The following KCNH8 variants were observed in gnomAD, a reference collection of about 807,000 sequenced individuals.
KCNH8 encodes the protein potassium voltage-gated channel subfamily H member 8.
A neutral mutation model predicts 103.6 loss-of-function variants in KCNH8; 70 were observed. The observed-to-expected ratio is 0.68, with a 90% confidence interval of 0.56 to 0.82. The LOEUF (loss-of-function observed/expected upper bound fraction) is 0.82, where lower values mean the gene tolerates loss of function less well. KCNH8 is among the 40% of genes least tolerant of loss of function. The pLI is 0.00. For missense variants in KCNH8, 1,217 were observed against 1,329.9 expected, an observed-to-expected ratio of 0.92 and a Z score of 1.32; for synonymous variants, 498 against 489.4, an observed-to-expected ratio of 1.02 and a Z score of -0.23.
chr3:19,304,666 AAAG>A (rs2065107093), intron 3 of KCNH8, among the ~76,000 whole-genome samples: 1 of 152,086 alleles, frequency 6.6e-6, no homozygotes, highest in African/African-American at 2.4e-5. Flanking sequence ...TGAAAAATAA[AAAG>A]AAGTAATTAG....
intron 1 of KCNH8, among the ~76,000 whole-genome samples, chr3:19,229,060 A>G (rs576441865): frequency 2.4e-4 from 37 of 152,296 alleles, no homozygotes; most frequent in African/African-American, 7.9e-4. Context: ...TGGACAATGG[A>G]TTCTGTTTCT....
chr3:19,389,202 T>C (rs1347618911), intron 5 of KCNH8, among the ~76,000 whole-genome samples: 1 of 152,174 alleles, frequency 6.6e-6, no homozygotes, highest in African/African-American at 2.4e-5. Flanking sequence ...AGTTGCTATA[T>C]GTCAAAAGTC....
chr3:19,473,954 T>A (rs552861692), intron 11 of KCNH8, among the ~76,000 whole-genome samples: 1 of 152,324 alleles, frequency 6.6e-6, no homozygotes, highest in African/African-American at 2.4e-5. Context: ...AATTATGCTT[T>A]TTGTCCAGGA....
At chr3:19,533,268 TTAAGAA>T (rs1397511208) in intron 15 of KCNH8, 121 bp from the exon 16 acceptor site, 1 of 650,296 alleles carries the variant, frequency 1.5e-6, no homozygotes, top group Admixed American at 3.0e-5. Flanking sequence ...GCTAAAATGT[TTAAGAA>T]TAAATAAGTA....
intron 1 of KCNH8, among the ~76,000 whole-genome samples, chr3:19,178,634 A>G (rs1466906126): frequency 6.6e-6 from 1 of 152,178 alleles, no homozygotes; most frequent in African/African-American, 2.4e-5. Flanking sequence ...TCTGTTGGCT[A>G]GAAAGGGAGT....
At chr3:19,507,311 C>A (rs2068711739) in intron 11 of KCNH8, among the ~76,000 whole-genome samples, 1 of 152,104 alleles carries the variant, frequency 6.6e-6, no homozygotes, top group African/African-American at 2.4e-5. Flanking sequence ...CTCTGGGAGC[C>A]CCCACCAGGG....
At chr3:19,470,338 ATCTC>A (rs1303218467) in intron 11 of KCNH8, among the ~76,000 whole-genome samples, 1 of 152,130 alleles carries the variant, frequency 6.6e-6, no homozygotes, top group Non-Finnish European at 1.5e-5. Context: ...TCTAAACATT[ATCTC>A]TCTGTTTCTT....
In KCNH8 at chr3:19,292,998, A is replaced by G. The variant is rs1456236809; in HGVS notation, c.442+11669A>G. On this transcript the variant is annotated intron_variant, in intron 3 of 15. Coordinates refer to ENST00000328405, the MANE Select transcript of KCNH8 (RefSeq NM_144633.3). ...GTTTGGGTTTTTTCCCTAAGCTTTT[A>G]TATCTCTAAAATAGAAATAGCCAAA... Among the ~76,000 whole-genome samples the G allele has an allele frequency of 2.6e-5, 4 of 152,186 alleles. No homozygotes were observed. In the East Asian group the frequency reaches 5.8e-4, roughly 22 times the overall value.
chr3:19,296,751 G>A lies in KCNH8; in HGVS notation c.442+15422G>A, dbSNP rs930533155. On this transcript the variant is annotated intron_variant, in intron 3 of 15. Transcript: ENST00000328405. ...CTACAAATTGGGTTCAGTGTATACCGCTCAGGTGATGGGTGCACCAAAATC... is the reference window on the plus strand; with the variant it reads ...CTACAAATTGGGTTCAGTGTATACCACTCAGGTGATGGGTGCACCAAAATC... Among the ~76,000 whole-genome samples the A allele has an allele frequency of 3.3e-5, 5 of 152,008 alleles. No individual in the cohort carries two copies. The South Asian group carries it at 6.2e-4, about 19-fold the overall frequency.
intron 15 of KCNH8, among the ~76,000 whole-genome samples, chr3:19,519,027 T>G (rs1462798721): frequency 6.6e-6 from 1 of 152,000 alleles, no homozygotes; most frequent in Non-Finnish European, 1.5e-5. Context: ...ACAGTTAAAC[T>G]TGTAAACAAC....
intron 1 of KCNH8, among the ~76,000 whole-genome samples, chr3:19,170,121 G>A (rs2063326691): frequency 6.6e-6 from 1 of 151,884 alleles, no homozygotes; most frequent in African/African-American, 2.4e-5. Flanking sequence ...TCAAATTTTT[G>A]TGACACATTT....
intron 9 of KCNH8, 119 bp from the exon 10 acceptor site, chr3:19,451,036 G>A: frequency 1.1e-6 from 1 of 909,266 alleles, no homozygotes; most frequent in Non-Finnish European, 1.7e-6. Flanking sequence ...TTCCTCTTCT[G>A]TATGCTGGAT....
At chr3:19,480,622 GAATAC>G (rs1299666694) in intron 11 of KCNH8, among the ~76,000 whole-genome samples, 1 of 152,156 alleles carries the variant, frequency 6.6e-6, no homozygotes, top group Non-Finnish European at 1.5e-5. Context: ...CAACATTAGA[GAATAC>G]AATAGCACTT....
Position 19,412,819 on chromosome 3 carries a change from G to A in KCNH8, c.1177+17508G>A, listed in dbSNP as rs772797126. On this transcript the variant is annotated intron_variant, in intron 7 of 15. Transcript: ENST00000328405. Reference sequence around the variant, plus strand: ...CATAAGAGAAATGCAAGTTAAAACCGTGAGATGTCATCTCACACCAGTCAG... The same window carrying A: ...CATAAGAGAAATGCAAGTTAAAACCATGAGATGTCATCTCACACCAGTCAG... Among the ~76,000 whole-genome samples the A allele has an allele frequency of 3.3e-5, 5 of 151,632 alleles. No homozygotes were observed. In the South Asian group the frequency reaches 8.3e-4, roughly 25 times the overall value.
At chr3:19,254,742 A>G (rs371533176) in intron 2 of KCNH8, among the ~76,000 whole-genome samples, 14 of 152,250 alleles carry the variant, frequency 9.2e-5, no homozygotes, top group African/African-American at 3.4e-4. Context: ...TTTCCCTTGT[A>G]GTAACATAAT....
intron 7 of KCNH8, among the ~76,000 whole-genome samples, chr3:19,427,003 A>C (rs530162696): frequency 1.3e-5 from 2 of 152,156 alleles, no homozygotes. Flanking sequence ...ATATAATATC[A>C]TAAGTGTCAC....
At chr3:19,523,057 C>T (rs1425324969) in intron 15 of KCNH8, among the ~76,000 whole-genome samples, 4 of 151,722 alleles carry the variant, frequency 2.6e-5, no homozygotes, top group African/African-American at 7.3e-5. Context: ...GGGTTGTTTC[C>T]TATAACACAT....
chr3:19,323,199 C>T (rs558984230), intron 3 of KCNH8, among the ~76,000 whole-genome samples: 46 of 152,166 alleles, frequency 3.0e-4, no homozygotes, highest in Non-Finnish European at 4.9e-4. Flanking sequence ...CCTGTAATCC[C>T]GGCACTTTGG....
At chr3:19,377,629 T>C (rs17005887) in intron 5 of KCNH8, among the ~76,000 whole-genome samples, 1 of 152,024 alleles carries the variant, frequency 6.6e-6, no homozygotes, top group East Asian at 1.9e-4. Flanking sequence ...AGAGGTTCAA[T>C]GCCCAGGAGG....
Sources: gnomAD v4.1 joint callset for allele counts (sites outside exome capture counted in the v4.1 genomes callset) on GRCh38, gnomAD v4.1.1 for gene constraint, MANE v1.5 for transcripts, NCBI Gene and HGNC (gene_info 2026-07-23, HGNC 2026-07-21) for gene names.